ATP2C2: variants seen among roughly 807,000 people sequenced by gnomAD.
ATP2C2 encodes calcium-transporting ATPase type 2C member 2.
ATP2C2 carries 171 observed loss-of-function variants against 110.8 expected under a neutral mutation model. That is an observed-to-expected ratio of 1.54 (90% CI 1.36 to 1.75). The LOEUF (loss-of-function observed/expected upper bound fraction) is 1.75. ATP2C2 is among the 40% of genes most tolerant of loss of function. ATP2C2 has a pLI of 0.00. For synonymous variants in ATP2C2, 804 were observed against 508.4 expected, an observed-to-expected ratio of 1.58 and a Z score of -7.82; for missense variants, 1,963 against 1,235.0, an observed-to-expected ratio of 1.59 and a Z score of -8.84.
At chr16:84,418,436 G>A (rs1194817364) in intron 7 of ATP2C2, among the ~76,000 whole-genome samples, 1 of 152,156 alleles carries the variant, frequency 6.6e-6, no homozygotes, top group Non-Finnish European at 1.5e-5. Flanking sequence ...TGGTCCGGAG[G>A]TGCCACCTGA....
chr16:84,391,113 C>CAAAA (rs567509863), intron 1 of ATP2C2, among the ~76,000 whole-genome samples: 3,075 of 72,774 alleles, frequency 0.042, 185 homozygotes, highest in African/African-American at 0.08. Flanking sequence ...GACTCAGACT[C>CAAAA]AAAAAAAAAA....
intron 22 of ATP2C2, 36 bp downstream of exon 22, chr16:84,459,224 A>C (rs770953638): frequency 6.2e-7 from 1 of 1,614,040 alleles, no homozygotes; most frequent in African/African-American, 1.3e-5. Flanking sequence ...GTCATTAAGC[A>C]CCACGCCTGG....
At chr16:84,445,897 A>G (rs1322265277) in intron 15 of ATP2C2, among the ~76,000 whole-genome samples, 1 of 152,194 alleles carries the variant, frequency 6.6e-6, no homozygotes, top group Non-Finnish European at 1.5e-5. Context: ...CACTGATCCA[A>G]AAGCCACCAA....
At chr16:84,398,962 C>T (rs139835102) in intron 2 of ATP2C2, among the ~76,000 whole-genome samples, 87 of 152,366 alleles carry the variant, frequency 5.7e-4, no homozygotes, top group African/African-American at 1.9e-3. Flanking sequence ...CACAGCCCAG[C>T]GTGGAGTCCA....
intron 1 of ATP2C2, among the ~76,000 whole-genome samples, chr16:84,396,388 A>C (rs936181447): frequency 1.3e-5 from 2 of 151,790 alleles, no homozygotes; most frequent in East Asian, 1.9e-4. Context: ...TCTACTAAAA[A>C]TACAAAAACA....
intron 3 of ATP2C2, among the ~76,000 whole-genome samples, chr16:84,408,186 G>C (rs944616190): frequency 3.3e-5 from 5 of 152,180 alleles, no homozygotes; most frequent in African/African-American, 1.2e-4. Flanking sequence ...TGTCTTCAGG[G>C]GGTCAGTACT....
intron 23 of ATP2C2, chr16:84,460,347 T>TAGG (rs1555508285): frequency 1.0e-5 from 4 of 388,688 alleles, no homozygotes; most frequent in African/African-American, 9.5e-5. Flanking sequence ...GGCGCAACGT[T>TAGG]GGGGGGGGTC....
chr16:84,459,518 A>G (rs1253683407), intron 23 of ATP2C2, 132 bp downstream of exon 23: 1 of 1,560,526 alleles, frequency 6.4e-7, no homozygotes, highest in African/African-American at 1.4e-5. Flanking sequence ...GTTCCCAGAA[A>G]ACTGAAGTGT....
intron 11 of ATP2C2, among the ~76,000 whole-genome samples, chr16:84,431,319 T>C (rs1394372332): frequency 6.6e-6 from 1 of 151,788 alleles, no homozygotes. Flanking sequence ...GCCAATGTGG[T>C]GTTGCATCTC....
At chr16:84,442,709 C>T (rs1177658991) in intron 15 of ATP2C2, 110 bp downstream of exon 15, 18 of 1,100,414 alleles carry the variant, frequency 1.6e-5, no homozygotes, top group Admixed American at 5.5e-5. Context: ...GTTAGGTAAT[C>T]ATGGAAGAAA....
At chr16:84,387,511 C>CA (rs956034053) in intron 1 of ATP2C2, among the ~76,000 whole-genome samples, 6 of 150,932 alleles carry the variant, frequency 4.0e-5, no homozygotes, top group African/African-American at 1.2e-4. Context: ...GACTCTGTCT[C>CA]AAAAAAAACA....
chr16:84,444,721 G>T (rs1377267727), intron 15 of ATP2C2, among the ~76,000 whole-genome samples: 1 of 151,982 alleles, frequency 6.6e-6, no homozygotes. Flanking sequence ...GAGGAGAGAG[G>T]TTCCAGCACC....
intron 24 of ATP2C2, chr16:84,461,350 C>T (rs1364476212): frequency 5.6e-6 from 2 of 354,244 alleles, no homozygotes; most frequent in South Asian, 7.8e-5. Flanking sequence ...TTCCCTCCAG[C>T]TCTCCCTCTA....
intron 3 of ATP2C2, chr16:84,406,660 G>A (rs1905795961): frequency 1.0e-5 from 10 of 984,928 alleles, no homozygotes; most frequent in African/African-American, 1.7e-5. Flanking sequence ...GTATGTAGGT[G>A]GTTCTGGCTA....
intron 1 of ATP2C2, among the ~76,000 whole-genome samples, chr16:84,387,647 A>T (rs568534879): frequency 6.6e-6 from 1 of 152,366 alleles, no homozygotes; most frequent in South Asian, 2.1e-4. Flanking sequence ...GCAGTTATTC[A>T]TGGAAATGCA....
rs149670346 is a variant in ATP2C2, at chr16:84,369,258, G to C, written c.99+544G>C. Reference sequence around the variant, plus strand: ...GTATGCCTGCTTTGCAACCTTCAGGGACCCTCTGGGATAAAGCAGCAGGGT... The same window carrying C: ...GTATGCCTGCTTTGCAACCTTCAGGCACCCTCTGGGATAAAGCAGCAGGGT... On this transcript the variant is annotated intron_variant, in intron 1 of 26. Coordinates refer to ENST00000262429, the MANE Select transcript of ATP2C2 (RefSeq NM_014861.4). Among the ~76,000 whole-genome samples the C allele has an allele frequency of 4.4e-3, 677 of 152,290 alleles. 12 individuals carry two copies. Among genetic ancestry groups the C allele is most frequent in the Admixed American group, 0.032 (483 of 15,296 alleles).
chr16:84,408,516 G>A (rs745791737), intron 4 of ATP2C2, 22 bp downstream of exon 4: 31 of 1,602,442 alleles, frequency 1.9e-5, no homozygotes, highest in Non-Finnish European at 2.3e-5. Flanking sequence ...GACAGCGCTC[G>A]GCTCCCGGGC....
In ATP2C2 at chr16:84,415,488, G is replaced by A. The variant is rs372651788; in HGVS notation, c.521G>A (p.Arg174Lys). The change falls in exon 7 of 27, where the codon AGA (arginine) becomes AAA (lysine). Residue 174 changes from arginine (R) to lysine (K), a missense_variant. Transcript: ENST00000262429. ...KLVPPECNCLREGKLQHLLAR... is the reference protein window; with the variant it reads ...KLVPPECNCLKEGKLQHLLAR... ...TTTTACCATGTCAAATGCAGCCTAA[G>A]AGAAGGAAAACTCCAGCACCTGCTT... 2 of 1,614,112 alleles carry A rather than the reference G, an allele frequency of 1.2e-6. No individual in the cohort carries two copies. The highest frequency in any genetic ancestry group is 2.2e-5 in the East Asian group (1 of 44,886).
chr16:84,373,819 A>G (rs185949923), intron 1 of ATP2C2, among the ~76,000 whole-genome samples: 3 of 152,334 alleles, frequency 2.0e-5, no homozygotes, highest in African/African-American at 7.2e-5. Context: ...GTTTTCATTC[A>G]TCGTAAGTTC....
Sources: allele counts gnomAD v4.1 joint callset (sites outside exome capture counted in the v4.1 genomes callset), GRCh38; gene constraint gnomAD v4.1.1; transcripts MANE v1.5; gene names NCBI Gene and HGNC (gene_info 2026-07-23, HGNC 2026-07-21).